Variants in ELOVL7 observed in about 807,000 individuals in gnomAD.
ELOVL7 encodes the protein ELOVL fatty acid elongase 7.
Under a neutral mutation model 35.7 loss-of-function variants are expected in ELOVL7, and 27 were observed. The observed-to-expected ratio is 0.76, with a 90% confidence interval of 0.56 to 1.04. The LOEUF is 1.04. Ranked by LOEUF, ELOVL7 falls within the 50% of genes least tolerant of loss-of-function variation. The pLI, the probability that ELOVL7 is intolerant of heterozygous loss-of-function variation, is 0.00. For synonymous variants in ELOVL7, 113 were observed against 114.6 expected (o/e 0.99, Z 0.09); for missense variants, 327 against 340.8 (o/e 0.96, Z 0.32).
intron 3 of ELOVL7, among the ~76,000 whole-genome samples, chr5:60,775,258 T>C (rs999060353): frequency 2.0e-5 from 3 of 151,922 alleles, no homozygotes; most frequent in African/African-American, 7.3e-5. Flanking sequence ...ATAAAACACA[T>C]AGGAATACAT....
chr5:60,840,549 G>A (rs1410382462), intron 1 of ELOVL7, among the ~76,000 whole-genome samples: 1 of 152,142 alleles, frequency 6.6e-6, no homozygotes, highest in African/African-American at 2.4e-5. Flanking sequence ...ATAAATTGCT[G>A]TTTTTTCAAG....
At chr5:60,821,884 C>G (rs1448607481) in intron 1 of ELOVL7, among the ~76,000 whole-genome samples, 1 of 152,184 alleles carries the variant, frequency 6.6e-6, no homozygotes, top group Non-Finnish European at 1.5e-5. Context: ...GTGGTGCAAC[C>G]TGCATATTCA....
intron 1 of ELOVL7, among the ~76,000 whole-genome samples, chr5:60,824,182 T>A (rs1168995518): frequency 3.3e-5 from 5 of 152,084 alleles, no homozygotes; most frequent in African/African-American, 9.7e-5. Context: ...AAATAAAAAA[T>A]TCAGACACCA....
intron 1 of ELOVL7, among the ~76,000 whole-genome samples, chr5:60,812,276 T>C (rs1299443631): frequency 6.6e-6 from 1 of 152,210 alleles, no homozygotes; most frequent in Non-Finnish European, 1.5e-5. Context: ...TAAAATGTTA[T>C]CTTGAGAGAA....
Position 60,771,903 on chromosome 5 carries a change from C to T in ELOVL7, c.255G>A (p.Glu85=). Residue 85 remains glutamate, a splice_region_variant and synonymous_variant, in exon 4 of 9, where the codon GAG becomes GAA. Transcript: ENST00000508821. ...CATTAGGAATACTGAAGACACTTGC[C>T]TCATAACACATATACACAGAAAAGA... ...IVLFSVYMCY[E]FVMSGWGIGY... 2 of 1,590,848 alleles carry T rather than the reference C, an allele frequency of 1.3e-6. No homozygotes were observed. The highest frequency in any genetic ancestry group is 1.8e-4 in the Middle Eastern group (1 of 5,484).
intron 2 of ELOVL7, among the ~76,000 whole-genome samples, chr5:60,795,497 G>A (rs780145452): frequency 2.0e-4 from 30 of 152,170 alleles, no homozygotes; most frequent in South Asian, 4.1e-4. Flanking sequence ...GCAGGGAGCG[G>A]CAACCTCTTT....
At position 60,800,030 on chromosome 5, in the gene ELOVL7, CA is replaced by C. The variant is rs58041305; in HGVS notation, c.-85-801del. ...CCAGCCTGGGCTCAAAACTCCATCT[CA>C]AAAAAAAAAAAAAAAAAAAAAAAGT... is the stretch of plus-strand genomic sequence containing the variant. On this transcript the variant is annotated intron_variant, in intron 1 of 8. Coordinates refer to ENST00000508821, the MANE Select transcript of ELOVL7 (RefSeq NM_024930.3). Among the ~76,000 whole-genome samples, 334 of 86,178 alleles carry C rather than the reference CA, an allele frequency of 3.9e-3. 1 individual carries two copies. Among genetic ancestry groups the C allele is most frequent in the South Asian group, 5.4e-3 (12 of 2,226 alleles). 56.5% of individuals were successfully genotyped at this position (86,178 alleles called of 152,430 possible).
chr5:60,781,598 T>C (rs1743259591), intron 3 of ELOVL7, among the ~76,000 whole-genome samples: 1 of 152,208 alleles, frequency 6.6e-6, no homozygotes, highest in Non-Finnish European at 1.5e-5. Flanking sequence ...CGTAATTTAA[T>C]ATTTTCAGCA....
intron 3 of ELOVL7, among the ~76,000 whole-genome samples, chr5:60,781,856 C>T (rs1743274822): frequency 6.6e-6 from 1 of 152,166 alleles, no homozygotes; most frequent in Admixed American, 6.5e-5. Flanking sequence ...TCCTCATCTG[C>T]AAATTGGGCA....
chr5:60,766,103 C>T (rs1563520), intron 6 of ELOVL7, among the ~76,000 whole-genome samples: 41,772 of 152,024 alleles, frequency 0.27, 9,554 homozygotes, highest in African/African-American at 0.63. Flanking sequence ...GCTGAATTAC[C>T]GACAGCCCAG....
At chr5:60,796,504 C>G (rs78062421) in intron 2 of ELOVL7, among the ~76,000 whole-genome samples, 2,666 of 152,242 alleles carry the variant, frequency 0.018, 79 homozygotes, top group African/African-American at 0.059. Context: ...TTGAGATGAT[C>G]AAAAACATTT....
chr5:60,783,011 T>C (rs1331174499), intron 3 of ELOVL7, among the ~76,000 whole-genome samples: 1 of 152,226 alleles, frequency 6.6e-6, no homozygotes, highest in Non-Finnish European at 1.5e-5. Context: ...TTATATTGGA[T>C]ACATATATCA....
intron 2 of ELOVL7, among the ~76,000 whole-genome samples, chr5:60,797,513 C>T (rs902491562): frequency 2.0e-5 from 3 of 152,212 alleles, no homozygotes; most frequent in African/African-American, 7.2e-5. Flanking sequence ...GGTGCCCATG[C>T]CTCCTGGCAC....
At chr5:60,760,358 G>A (rs1002451245) in intron 7 of ELOVL7, among the ~76,000 whole-genome samples, 4 of 152,184 alleles carry the variant, frequency 2.6e-5, no homozygotes, top group Non-Finnish European at 5.9e-5. Context: ...GTATCTCATT[G>A]TGGTTTTGAT....
At chr5:60,776,128 AAAAT>A (rs1171608986) in intron 3 of ELOVL7, among the ~76,000 whole-genome samples, 16 of 152,208 alleles carry the variant, frequency 1.1e-4, no homozygotes, top group African/African-American at 3.1e-4. Flanking sequence ...TCAACAAGAA[AAAAT>A]AAATAACTTC....
intron 1 of ELOVL7, among the ~76,000 whole-genome samples, chr5:60,842,011 C>T (rs1415542839): frequency 6.6e-6 from 1 of 152,148 alleles, no homozygotes; most frequent in Non-Finnish European, 1.5e-5. Context: ...ATGTGTGCTA[C>T]CAAAATTTAT....
intron 3 of ELOVL7, among the ~76,000 whole-genome samples, chr5:60,773,280 A>G (rs192674077): frequency 2.8e-4 from 43 of 152,306 alleles, no homozygotes; most frequent in African/African-American, 9.6e-4. Flanking sequence ...CAGGATGCTA[A>G]CTACTGTCAC....
At chr5:60,761,278 A>G (rs940294110) in intron 7 of ELOVL7, among the ~76,000 whole-genome samples, 7 of 152,176 alleles carry the variant, frequency 4.6e-5, no homozygotes, top group African/African-American at 1.7e-4. Flanking sequence ...TGCACAATTA[A>G]TGTAAAAACC....
intron 2 of ELOVL7, among the ~76,000 whole-genome samples, chr5:60,788,027 T>C (rs777084054): frequency 1.3e-5 from 2 of 152,066 alleles, no homozygotes; most frequent in Non-Finnish European, 2.9e-5. Context: ...AGAAGACCAG[T>C]GAGGAGAAAC....
Sources: allele counts gnomAD v4.1 joint callset (sites outside exome capture counted in the v4.1 genomes callset), GRCh38; gene constraint gnomAD v4.1.1; transcripts MANE v1.5; gene names NCBI Gene and HGNC (gene_info 2026-07-23, HGNC 2026-07-21).